The following ZNF385D variants were observed in gnomAD, a reference collection of about 807,000 sequenced individuals.
The protein encoded by ZNF385D is zinc finger protein 659.
Under a neutral mutation model 35.8 loss-of-function variants are expected in ZNF385D, and 15 were observed. The ratio of observed to expected loss-of-function variants is 0.42; its 90% CI spans 0.28 to 0.64. ZNF385D has a LOEUF of 0.64. ZNF385D is among the 30% of genes least tolerant of loss of function. ZNF385D has a pLI of 0.23. For missense variants in ZNF385D, 474 were observed against 494.6 expected, an observed-to-expected ratio of 0.96 and a Z score of 0.39; for synonymous variants, 212 against 186.8, an observed-to-expected ratio of 1.13 and a Z score of -1.10.
At chr3:21,742,314 T>G (rs1559573861) in intron 1 of ZNF385D, among the ~76,000 whole-genome samples, 2 of 152,210 alleles carry the variant, frequency 1.3e-5, no homozygotes, top group Non-Finnish European at 2.9e-5. Flanking sequence ...CAAAAGCTCT[T>G]GAACCATACT....
intron 3 of ZNF385D, among the ~76,000 whole-genome samples, chr3:21,773,713 A>G (rs2125618669): frequency 6.6e-6 from 1 of 152,034 alleles, no homozygotes. Flanking sequence ...AATCAAAACT[A>G]CAATAGATAC....
chr3:21,881,151 A>G (rs1325799228), intron 3 of ZNF385D, among the ~76,000 whole-genome samples: 1 of 151,850 alleles, frequency 6.6e-6, no homozygotes, highest in East Asian at 1.9e-4. Flanking sequence ...TCATTGATGA[A>G]GGAAGCTACA....
At chr3:22,087,573 T>G (rs908687554) in intron 3 of ZNF385D, among the ~76,000 whole-genome samples, 1 of 152,142 alleles carries the variant, frequency 6.6e-6, no homozygotes, top group Non-Finnish European at 1.5e-5. Context: ...AGGTGGAAAT[T>G]AGTTATTAGT....
chr3:21,991,367 C>T (rs1394634759), intron 3 of ZNF385D, among the ~76,000 whole-genome samples: 3 of 152,124 alleles, frequency 2.0e-5, no homozygotes, highest in Non-Finnish European at 4.4e-5. Context: ...AGATCTATAG[C>T]CACATGCCAC....
chr3:22,026,066 CTAAT>C (rs1697528860), intron 3 of ZNF385D, among the ~76,000 whole-genome samples: 1 of 152,026 alleles, frequency 6.6e-6, no homozygotes. Context: ...CTGGCATTGT[CTAAT>C]TAATCATAGT....
intron 1 of ZNF385D, among the ~76,000 whole-genome samples, chr3:21,686,608 C>T (rs2067113163): frequency 6.6e-6 from 1 of 152,120 alleles, no homozygotes; most frequent in African/African-American, 2.4e-5. Context: ...CACTCTTTTT[C>T]ATGTACAAAG....
At chr3:22,122,690 G>C (rs1319146039) in intron 3 of ZNF385D, among the ~76,000 whole-genome samples, 1 of 152,134 alleles carries the variant, frequency 6.6e-6, no homozygotes, top group African/African-American at 2.4e-5. Flanking sequence ...ATATATATGG[G>C]GGAGGTAACA....
At chr3:22,228,524 G>T (rs966461713) in intron 2 of ZNF385D, among the ~76,000 whole-genome samples, 10 of 152,194 alleles carry the variant, frequency 6.6e-5, no homozygotes, top group African/African-American at 2.4e-4. Flanking sequence ...GTAATCCAGG[G>T]AATAAAAGCT....
chr3:21,967,875 T>G (rs1046894940), intron 3 of ZNF385D, among the ~76,000 whole-genome samples: 1 of 152,144 alleles, frequency 6.6e-6, no homozygotes, highest in Non-Finnish European at 1.5e-5. Flanking sequence ...TGATTGACTA[T>G]CCATACAAAA....
At chr3:21,475,526 C>A (rs1704176610) in intron 4 of ZNF385D, among the ~76,000 whole-genome samples, 1 of 151,722 alleles carries the variant, frequency 6.6e-6, no homozygotes, top group South Asian at 2.1e-4. Context: ...TCTTAAAATC[C>A]AAAGTTATTA....
At chr3:21,475,321 T>C (rs957395165) in intron 4 of ZNF385D, among the ~76,000 whole-genome samples, 10 of 152,088 alleles carry the variant, frequency 6.6e-5, no homozygotes, top group East Asian at 1.9e-4. Flanking sequence ...TGTCTGAAGG[T>C]ATCTGTTTCA....
At chr3:21,755,482 T>C (rs1379767453), upstream of ZNF385D, among the ~76,000 whole-genome samples, 1 of 152,198 alleles carries the variant, frequency 6.6e-6, no homozygotes, top group African/African-American at 2.4e-5. Context: ...AAGACTACAT[T>C]CCCTTTCACC....
At chr3:21,556,069 T>TTG in intron 3 of ZNF385D, among the ~76,000 whole-genome samples, 1 of 37,914 alleles carries the variant, frequency 2.6e-5, no homozygotes, top group African/African-American at 1.7e-4. Flanking sequence ...TTTGTTTTTG[T>TTG]TTTTTTTTTT....
At chr3:22,057,621 T>C (rs1316768911) in intron 3 of ZNF385D, among the ~76,000 whole-genome samples, 2 of 151,992 alleles carry the variant, frequency 1.3e-5, no homozygotes, top group African/African-American at 4.8e-5. Context: ...GCAATTCTCT[T>C]GTCTCAACCT....
At chr3:21,905,689 AAT>A (rs4044583) in intron 3 of ZNF385D, among the ~76,000 whole-genome samples, 5,119 of 148,704 alleles carry the variant, frequency 0.034, 233 homozygotes, top group African/African-American at 0.1. Context: ...CATCTGTGGT[AAT>A]ATATATATAT....
chr3:21,502,381 T>C lies in ZNF385D; in HGVS notation c.439+8480A>G, dbSNP rs143303205. On this transcript the variant is annotated intron_variant, in intron 4 of 7. Coordinates refer to ENST00000281523, the MANE Select transcript of ZNF385D (RefSeq NM_024697.3). Reference sequence around the variant, plus strand: ...CTCCCCTGTGAAAAGGATCTGTAAGTTTCTAGATTCCACTGAAAGTTTTCC... The same window carrying C: ...CTCCCCTGTGAAAAGGATCTGTAAGCTTCTAGATTCCACTGAAAGTTTTCC... Among the ~76,000 whole-genome samples the C allele has an allele frequency of 4.3e-3, 656 of 152,274 alleles. 4 individuals carry two copies. The highest frequency in any genetic ancestry group is 7.6e-3 in the Non-Finnish European group (520 of 68,026).
rs115709271 is a variant in ZNF385D, at chr3:21,697,584, A to G, written c.23-32556T>C. Among the ~76,000 whole-genome samples the G allele has an allele frequency of 1.1e-3, 175 of 152,308 alleles. 2 individuals carry two copies. Among genetic ancestry groups the G allele is most frequent in the Admixed American group, 2.5e-3 (38 of 15,302 alleles). On this transcript the variant is annotated intron_variant, in intron 1 of 7. Coordinates refer to ENST00000281523, the MANE Select transcript of ZNF385D (RefSeq NM_024697.3). ...AACTAAGTACTCAAAAGCAATTGCA[A>G]CAAAACCAAAAATGGACAAATGGGA...
intron 3 of ZNF385D, among the ~76,000 whole-genome samples, chr3:21,874,532 G>A (rs999230977): frequency 2.0e-5 from 3 of 151,992 alleles, no homozygotes; most frequent in Admixed American, 1.3e-4. Context: ...TCATATGTAT[G>A]TGGGCTTTCT....
At chr3:22,148,085 CT>C (rs1488367952) in intron 3 of ZNF385D, among the ~76,000 whole-genome samples, 1 of 152,102 alleles carries the variant, frequency 6.6e-6, no homozygotes, top group Non-Finnish European at 1.5e-5. Flanking sequence ...ACTTTAACAA[CT>C]TTATGAGTGG....
Sources: gnomAD v4.1 joint callset for allele counts (sites outside exome capture counted in the v4.1 genomes callset) on GRCh38, gnomAD v4.1.1 for gene constraint, MANE v1.5 for transcripts, NCBI Gene and HGNC (gene_info 2026-07-23, HGNC 2026-07-21) for gene names.